RALGPS2: variants seen among roughly 807,000 people sequenced by gnomAD.
RALGPS2 encodes the protein ras-specific guanine nucleotide-releasing factor RalGPS2.
RALGPS2 carries 43 observed loss-of-function variants against 86.8 expected under a neutral mutation model. That is an observed-to-expected ratio of 0.50 (90% CI 0.39 to 0.64). The LOEUF (loss-of-function observed/expected upper bound fraction) is 0.64. Among genes scored for constraint, RALGPS2 ranks in the 30% least tolerant of loss-of-function variants. RALGPS2 has a pLI of 0.00. For synonymous variants in RALGPS2, 243 were observed against 231.3 expected (o/e 1.05, Z -0.46); for missense variants, 536 against 694.6 (o/e 0.77, Z 2.57).
chr1:178,802,520 G>A (rs999922406), intron 4 of RALGPS2, among the ~76,000 whole-genome samples: 1 of 152,118 alleles, frequency 6.6e-6, no homozygotes, highest in African/African-American at 2.4e-5. Context: ...ACATTTTACT[G>A]TGATAATACA....
At chr1:178,802,911 T>C (rs1429662076) in intron 4 of RALGPS2, among the ~76,000 whole-genome samples, 2 of 152,156 alleles carry the variant, frequency 1.3e-5, no homozygotes, top group Admixed American at 6.6e-5. Flanking sequence ...GCCATGTGGT[T>C]TGTCTGCAAG....
intron 19 of RALGPS2, among the ~76,000 whole-genome samples, chr1:178,912,304 GT>G (rs1660657335): frequency 6.6e-6 from 1 of 152,162 alleles, no homozygotes. Flanking sequence ...ACTTAAGTGT[GT>G]TTTTGTGGTG....
chr1:178,840,998 G>A (rs1384813298), intron 8 of RALGPS2, among the ~76,000 whole-genome samples: 1 of 152,118 alleles, frequency 6.6e-6, no homozygotes, highest in Non-Finnish European at 1.5e-5. Context: ...TGAAATTGAG[G>A]CAATAATTAA....
At chr1:178,779,710 G>A (rs1262461501) in intron 2 of RALGPS2, among the ~76,000 whole-genome samples, 1 of 152,184 alleles carries the variant, frequency 6.6e-6, no homozygotes, top group African/African-American at 2.4e-5. Flanking sequence ...AGCCATCTAA[G>A]TTTAAATCTT....
intron 4 of RALGPS2, among the ~76,000 whole-genome samples, chr1:178,801,541 T>G (rs1163243357): frequency 1.3e-5 from 2 of 152,282 alleles, no homozygotes; most frequent in Non-Finnish European, 2.9e-5. Flanking sequence ...TAAAAAAATT[T>G]TTTAATACTT....
intron 8 of RALGPS2, among the ~76,000 whole-genome samples, chr1:178,834,821 A>T (rs565763313): frequency 6.6e-6 from 1 of 152,200 alleles, no homozygotes; most frequent in Admixed American, 6.5e-5. Flanking sequence ...TCTGTTTCCT[A>T]GGCTGGAGCT....
intron 19 of RALGPS2, among the ~76,000 whole-genome samples, chr1:178,907,282 C>G (rs1371444789): frequency 6.6e-6 from 1 of 152,078 alleles, no homozygotes; most frequent in Non-Finnish European, 1.5e-5. Flanking sequence ...GAAGCTGGAA[C>G]AAGCTTAAGG....
rs1384179303 is a variant in RALGPS2 at position 178,777,953 on chromosome 1, T to C, written c.57+1132T>C. ...ACCATAAAAACCCTAGAAGAAAACC[T>C]AGGCATTACCATTCAGGACATAGGC... On this transcript the variant is annotated intron_variant, in intron 2 of 19. Coordinates refer to ENST00000367635, the MANE Select transcript of RALGPS2 (RefSeq NM_152663.5). Among the ~76,000 whole-genome samples the C allele has an allele frequency of 1.2e-4, 17 of 142,428 alleles. No homozygotes were observed. The East Asian group carries it at 1.4e-3, about 12-fold the overall frequency. The allele number at this position is 142,428 out of a possible 152,430, so 93.4% of individuals were successfully genotyped here.
At chr1:178,881,011 T>G (rs1659223348) in intron 10 of RALGPS2, among the ~76,000 whole-genome samples, 1 of 152,144 alleles carries the variant, frequency 6.6e-6, no homozygotes, top group Admixed American at 6.5e-5. Flanking sequence ...GCCCTTCCAT[T>G]ACATTGACAT....
chr1:178,901,493 A>T (rs138218498), intron 17 of RALGPS2, among the ~76,000 whole-genome samples: 1 of 152,088 alleles, frequency 6.6e-6, no homozygotes, highest in East Asian at 1.9e-4. Context: ...GCCCTTTCTC[A>T]GAATTAAGAA....
intron 8 of RALGPS2, among the ~76,000 whole-genome samples, chr1:178,875,678 G>A (rs1206439450): frequency 6.6e-6 from 1 of 151,954 alleles, no homozygotes; most frequent in Non-Finnish European, 1.5e-5. Flanking sequence ...AACCCAGAAG[G>A]CAGAGGTGGC....
At chr1:178,885,841 G>A (rs1659457554) in intron 12 of RALGPS2, 128 bp from the exon 13 acceptor site, 1 of 795,448 alleles carries the variant, frequency 1.3e-6, no homozygotes, top group Admixed American at 3.6e-5. Context: ...CTGTTCATTT[G>A]AGGCTTTTAT....
chr1:178,776,900 C>T, intron 2 of RALGPS2, 79 bp downstream of exon 2: 2 of 1,110,478 alleles, frequency 1.8e-6, no homozygotes, highest in Non-Finnish European at 2.7e-6. Context: ...TGTTCACATA[C>T]TTAAATCAGA....
chr1:178,732,599 A>G (rs1650464407), intron 1 of RALGPS2, among the ~76,000 whole-genome samples: 1 of 152,082 alleles, frequency 6.6e-6, no homozygotes, highest in Non-Finnish European at 1.5e-5. Context: ...ACACTCGGCC[A>G]TGTTCCTGAT....
intron 8 of RALGPS2, among the ~76,000 whole-genome samples, chr1:178,872,451 T>A (rs1658809501): frequency 6.6e-6 from 1 of 152,168 alleles, no homozygotes; most frequent in African/African-American, 2.4e-5. Flanking sequence ...TTTGGTTAAT[T>A]TAAAGGGATC....
intron 1 of RALGPS2, among the ~76,000 whole-genome samples, chr1:178,748,999 GT>G (rs1651500934): frequency 1.3e-5 from 2 of 151,882 alleles, no homozygotes; most frequent in African/African-American, 4.8e-5. Context: ...TTGTTTGTTT[GT>G]TTTGTTTTTT....
intron 8 of RALGPS2, among the ~76,000 whole-genome samples, chr1:178,836,499 G>T (rs552688792): frequency 2.0e-5 from 3 of 151,952 alleles, no homozygotes; most frequent in African/African-American, 7.2e-5. Flanking sequence ...TCTCATTCTT[G>T]TTGTCACCTT....
At chr1:178,870,029 C>CGG (rs1658654414) in intron 8 of RALGPS2, among the ~76,000 whole-genome samples, 2 of 152,020 alleles carry the variant, frequency 1.3e-5, no homozygotes, top group Non-Finnish European at 2.9e-5. Flanking sequence ...TTACATAATG[C>CGG]TTTTGTGTGT....
At chr1:178,872,818 C>G (rs1242671238) in intron 8 of RALGPS2, among the ~76,000 whole-genome samples, 1 of 152,088 alleles carries the variant, frequency 6.6e-6, no homozygotes, top group African/African-American at 2.4e-5. Context: ...TATTTAGGGA[C>G]AGATTATGGT....
Sources: allele counts gnomAD v4.1 joint callset (sites outside exome capture counted in the v4.1 genomes callset), GRCh38; gene constraint gnomAD v4.1.1; transcripts MANE v1.5; gene names NCBI Gene and HGNC (gene_info 2026-07-23, HGNC 2026-07-21).